BUD31: variants seen among roughly 807,000 people sequenced by gnomAD.
BUD31 encodes protein BUD31 homolog.
In BUD31, 9 loss-of-function variants were observed where a neutral mutation model predicts 17.9. That is an observed-to-expected ratio of 0.50 (90% CI 0.30 to 0.88). The LOEUF (loss-of-function observed/expected upper bound fraction) is 0.88, where lower values mean the gene tolerates loss of function less well. BUD31 is among the 40% of genes least tolerant of loss of function. The pLI is 0.06. For missense variants in BUD31, 148 were observed against 184.5 expected (o/e 0.80, Z 1.15); for synonymous variants, 70 against 64.7 (o/e 1.08, Z -0.39).
Position 99,411,159 on chromosome 7 carries a change from G to T in BUD31, c.67G>T (p.Asp23Tyr). 6.2e-7 allele frequency: 1 copy of T among 1,614,056 alleles called. No individual in the cohort carries two copies. The highest frequency in any genetic ancestry group is 8.5e-7 in the Non-Finnish European group (1 of 1,180,000). ...DGWELIEPTL[D>Y]ELDQKMREAE... ...CTGGGAGTTGATTGAGCCAACACTG[G>T]ATGAATTAGATCAAAAGATGAGAGA... The change falls in exon 3 of 6, where the codon GAT becomes TAT. Residue 23 changes from aspartate (D) to tyrosine (Y), a missense_variant. Coordinates refer to ENST00000222969, the MANE Select transcript of BUD31 (RefSeq NM_003910.4).
chr7:99,413,282 C>G (rs892646058), intron 3 of BUD31, among the ~76,000 whole-genome samples: 4 of 152,168 alleles, frequency 2.6e-5, no homozygotes, highest in Non-Finnish European at 5.9e-5. Flanking sequence ...AGGTCATAGA[C>G]AAAGATGAAC....
intron 3 of BUD31, among the ~76,000 whole-genome samples, chr7:99,412,403 A>G (rs1795226521): frequency 6.6e-6 from 1 of 152,190 alleles, no homozygotes; most frequent in African/African-American, 2.4e-5. Context: ...CTTTACCTCC[A>G]GACAGAAGTA....
chr7:99,417,780 GTGTT>G (rs1455488031), intron 5 of BUD31, 185 bp downstream of exon 5: 1 of 1,529,732 alleles, frequency 6.5e-7, no homozygotes, highest in African/African-American at 1.4e-5. Context: ...GTGTGGCTGT[GTGTT>G]TGTTAGGTCT....
intron 3 of BUD31, chr7:99,411,853 T>G (rs1381990866): frequency 2.7e-6 from 1 of 374,966 alleles, no homozygotes; most frequent in Non-Finnish European, 5.3e-6. Context: ...ATTACAGGCA[T>G]GCGCCACCAT....
At chr7:99,419,368 C>T (rs746525253) in intron 5 of BUD31, 23 bp from the exon 6 acceptor site, 2 of 1,612,558 alleles carry the variant, frequency 1.2e-6, no homozygotes, top group African/African-American at 1.3e-5. Context: ...GTGGCATCGT[C>T]TCACTGTCCT....
At chr7:99,410,997 G>A (rs974777567) in intron 2 of BUD31, 67 bp from the exon 3 acceptor site, 20 of 1,078,732 alleles carry the variant, frequency 1.9e-5, no homozygotes, top group Non-Finnish European at 2.6e-5. Flanking sequence ...AGCCTGTACC[G>A]AAATAATGGC....
intron 3 of BUD31, 71 bp from the exon 4 acceptor site, chr7:99,416,067 G>T: frequency 6.3e-7 from 1 of 1,582,582 alleles, no homozygotes; most frequent in Non-Finnish European, 8.6e-7. Context: ...ATTATCAGTA[G>T]TTACTTACAA....
rs1350162904 is a variant in BUD31, at chr7:99,419,013, A to G, written c.385-378A>G. ...CTGCCCTCTTCCCCCACCAGAGTGTACCAGCCCAGAGGCCCCCCTGAAGTC... is the reference window on the plus strand; with the variant it reads ...CTGCCCTCTTCCCCCACCAGAGTGTGCCAGCCCAGAGGCCCCCCTGAAGTC... On this transcript the variant is annotated intron_variant, in intron 5 of 5. Coordinates refer to ENST00000222969, the MANE Select transcript of BUD31 (RefSeq NM_003910.4). 4 of 263,444 alleles carry G rather than the reference A, an allele frequency of 1.5e-5. No homozygotes were observed. The South Asian group carries it at 1.6e-4, about 10-fold the overall frequency. 16.3% of individuals were successfully genotyped at this position (263,444 alleles called of 1,614,324 possible).
At chr7:99,417,652 G>A (rs73711218) in intron 5 of BUD31, 57 bp downstream of exon 5, 164 of 1,596,732 alleles carry the variant, frequency 1.0e-4, no homozygotes, top group Non-Finnish European at 1.3e-4. Flanking sequence ...TGCCTTAGTC[G>A]ACTGCAAGGG....
chr7:99,412,698 G>A (rs752667087), intron 3 of BUD31, among the ~76,000 whole-genome samples: 91 of 150,062 alleles, frequency 6.1e-4, no homozygotes, highest in Non-Finnish European at 9.4e-4. Context: ...TGCAAGCTCC[G>A]CCTCCCAGGT....
Position 99,411,277 on chromosome 7 carries a change from AAG to A in BUD31, c.94+96_94+97del, listed in dbSNP as rs957406646. 1.1e-4 allele frequency: 103 copies of A among 950,410 alleles called. No individual in the cohort carries two copies. In the African/African-American group the frequency reaches 1.6e-3, roughly 15 times the overall value. 58.9% of individuals were successfully genotyped at this position (950,410 alleles called of 1,614,324 possible). A position where few individuals can be genotyped will look rare whatever the true frequency, so the allele number is the denominator to read the frequency against. On this transcript the variant is annotated intron_variant, in intron 3 of 5. Transcript: ENST00000222969. ...GGACAGGCATAAATGCAAATATAAA[AAG>A]AGAGTGGTCTACTAACACTGACATG...
chr7:99,416,823 G>C (rs1795503640), intron 4 of BUD31: 1 of 156,964 alleles, frequency 6.4e-6, no homozygotes, highest in African/African-American at 2.5e-5. Flanking sequence ...TGGGCTCAAG[G>C]GATCCTCTCA....
chr7:99,411,559 G>A (rs531570503), intron 3 of BUD31, among the ~76,000 whole-genome samples: 34 of 152,120 alleles, frequency 2.2e-4, no homozygotes, highest in Admixed American at 5.2e-4. Flanking sequence ...AGTCTTTGCC[G>A]CATCTGTTTT....
intron 3 of BUD31, among the ~76,000 whole-genome samples, chr7:99,413,557 A>G (rs1320077984): frequency 1.3e-5 from 2 of 152,200 alleles, no homozygotes; most frequent in Non-Finnish European, 2.9e-5. Context: ...CTGAAAGCAT[A>G]GGGACCAAGG....
chr7:99,414,488 A>G (rs556956909), intron 3 of BUD31, among the ~76,000 whole-genome samples: 110 of 152,354 alleles, frequency 7.2e-4, no homozygotes, highest in Non-Finnish European at 1.4e-3. Context: ...AAATTATCCA[A>G]TTAAGGGGTT....
intron 2 of BUD31, 123 bp from the exon 3 acceptor site, chr7:99,410,941 T>C (rs1399399626): frequency 1.6e-6 from 1 of 632,386 alleles, no homozygotes; most frequent in African/African-American, 1.8e-5. Flanking sequence ...GTCTGGGTGC[T>C]GAGCCCTGTC....
intron 3 of BUD31, among the ~76,000 whole-genome samples, chr7:99,414,658 G>T (rs898530307): frequency 2.0e-5 from 3 of 151,966 alleles, no homozygotes; most frequent in African/African-American, 7.3e-5. Flanking sequence ...GTGCAGTGGT[G>T]TGATCTCAGC....
rs763946361 is a variant in BUD31 at position 99,417,501 on chromosome 7, A to G, written c.290A>G (p.Tyr97Cys). Residue 97 changes from tyrosine (Y) to cysteine (C), a missense_variant, in exon 5 of 6, where the codon TAT (tyrosine) becomes TGT (cysteine). Tyr to Cys is a radical substitution (Grantham distance 194). Coordinates refer to ENST00000222969, the MANE Select transcript of BUD31 (RefSeq NM_003910.4). ...NLIAKWKKQG[Y>C]ENLCCLRCIQ... Reference sequence around the variant, plus strand: ...ATTGCAAAATGGAAAAAGCAAGGATATGAGAACTTGTGCTGCCTGCGGTGC... The same window carrying G: ...ATTGCAAAATGGAAAAAGCAAGGATGTGAGAACTTGTGCTGCCTGCGGTGC... 2 of 1,611,870 alleles carry G rather than the reference A, an allele frequency of 1.2e-6. No homozygotes were observed. The highest frequency in any genetic ancestry group is 1.7e-6 in the Non-Finnish European group (2 of 1,178,546).
chr7:99,418,991 C>G (rs1219392443), intron 5 of BUD31: 1 of 229,886 alleles, frequency 4.3e-6, no homozygotes, highest in African/African-American at 2.3e-5. Context: ...TAGTCTCCTG[C>G]CCTCTTCCCC....
Sources: allele counts gnomAD v4.1 joint callset (sites outside exome capture counted in the v4.1 genomes callset), GRCh38; gene constraint gnomAD v4.1.1; transcripts MANE v1.5; gene names NCBI Gene and HGNC (gene_info 2026-07-23, HGNC 2026-07-21).